MTMR14: variants seen among roughly 807,000 people sequenced by gnomAD.
MTMR14 encodes phosphatidylinositol-3,5-bisphosphate 3-phosphatase MTMR14.
A neutral mutation model predicts 86.3 loss-of-function variants in MTMR14; 48 were observed. The observed-to-expected ratio is 0.56, with a 90% CI of 0.44 to 0.71. The LOEUF (loss-of-function observed/expected upper bound fraction) is 0.71. Ranked by LOEUF, MTMR14 falls within the 30% of genes least tolerant of loss-of-function variation. MTMR14 has a pLI of 0.00. For synonymous variants in MTMR14, 366 were observed against 326.1 expected (o/e 1.12, Z -1.32); for missense variants, 780 against 834.6 (o/e 0.93, Z 0.81).
At position 9,663,940 on chromosome 3, in the gene MTMR14, C is replaced by T. The variant is rs1358300005; in HGVS notation, c.417+1565C>T. ...AGTAGCTGGGATTACAGGAGCATGT[C>T]ACCACACCCAGCTAATTTTTGTATT... On this transcript the variant is annotated intron_variant, in intron 3 of 18. Transcript: ENST00000296003. Among the ~76,000 whole-genome samples the T allele has an allele frequency of 1.5e-4, 23 of 152,086 alleles. No homozygotes were observed. The East Asian group carries it at 4.5e-3, about 29-fold the overall frequency.
In MTMR14 at chr3:9,690,150, A is replaced by C. The variant is rs772490856; in HGVS notation, c.1613+7A>C. 1.2e-6 allele frequency: 2 copies of C among 1,613,476 alleles called. No homozygotes were observed. The highest frequency in any genetic ancestry group is 2.2e-5 in the South Asian group (2 of 90,996). On this transcript the variant is annotated splice_region_variant and intron_variant, in intron 17 of 18. Coordinates refer to ENST00000296003, the MANE Select transcript of MTMR14 (RefSeq NM_001077525.3). ...TGGAGGTCCCCAAACCCAGGTGAGG[A>C]GCTCCAAAGCCCTTGCTGTTGGAAG... is the stretch of plus-strand genomic sequence containing the variant.
intron 9 of MTMR14, 70 bp downstream of exon 9, chr3:9,678,128 C>T (rs2075644229): frequency 2.0e-6 from 3 of 1,485,846 alleles, no homozygotes; most frequent in Non-Finnish European, 2.8e-6. Flanking sequence ...TTGATGCCTG[C>T]CCCACAAGGC....
At position 9,689,074 on chromosome 3, in the gene MTMR14, G is replaced by A; in HGVS notation, c.1425G>A (p.Gln475=). ...TGGTCCCAGCAGGAGCGCCAACTCA[G>A]GCAGCTTGGTAAGGGGCCAGACTTG... ...VELVPAGAPT[Q]AAWRKSHSSS... is the part of the protein sequence containing the mutation. Residue 475 remains glutamine (Q), a synonymous_variant, in exon 16 of 19, where the codon CAG becomes CAA. Coordinates refer to ENST00000296003, the MANE Select transcript of MTMR14 (RefSeq NM_001077525.3). The A allele has an allele frequency of 3.1e-6, 5 of 1,611,520 alleles. No individual in the cohort carries two copies. The highest frequency in any genetic ancestry group is 3.4e-6 in the Non-Finnish European group (4 of 1,180,016).
chr3:9,657,117 A>C (rs926967230), intron 2 of MTMR14, among the ~76,000 whole-genome samples: 21 of 151,734 alleles, frequency 1.4e-4, no homozygotes, highest in African/African-American at 4.4e-4. Flanking sequence ...GTCTCGCTGC[A>C]TTGCCCAGGT....
chr3:9,663,934 G>A (rs566515548), intron 3 of MTMR14, among the ~76,000 whole-genome samples: 32 of 152,076 alleles, frequency 2.1e-4, no homozygotes, highest in African/African-American at 7.5e-4. Context: ...GATTACAGGA[G>A]CATGTCACCA....
chr3:9,696,468 C>T (rs1280118610), intron 17 of MTMR14, among the ~76,000 whole-genome samples: 12 of 152,168 alleles, frequency 7.9e-5, no homozygotes, highest in African/African-American at 2.7e-4. Context: ...GCTGAGATCA[C>T]GCCACTGCAC....
intron 3 of MTMR14, among the ~76,000 whole-genome samples, chr3:9,662,647 G>A (rs73811559): frequency 0.061 from 9,223 of 152,206 alleles, 888 homozygotes; most frequent in African/African-American, 0.2. Flanking sequence ...TGCCTATGCA[G>A]AGCCTCCTTT....
At chr3:9,697,989 C>A in intron 18 of MTMR14, 123 bp downstream of exon 18, 1 of 1,361,338 alleles carries the variant, frequency 7.3e-7, no homozygotes, top group Non-Finnish European at 1.0e-6. Context: ...CCTGCCCTCC[C>A]CTCTCTCAGC....
intron 6 of MTMR14, 99 bp downstream of exon 6, chr3:9,671,269 AC>A: frequency 6.5e-7 from 1 of 1,533,068 alleles, no homozygotes; most frequent in Non-Finnish European, 9.0e-7. Flanking sequence ...TGGCCTTCTT[AC>A]AAAGGGCTTT....
Position 9,684,580 on chromosome 3 carries a change from A to G in MTMR14, c.965-5A>G, listed in dbSNP as rs770084955. The G allele has an allele frequency of 6.2e-7, 1 of 1,613,996 alleles. No individual in the cohort carries two copies. The highest frequency in any genetic ancestry group is 8.5e-7 in the Non-Finnish European group (1 of 1,179,974). ...TGGGCATCCTCTCCTGCGGTTCCTGAGTAGATGACAGCGGGCTGCTGGTAC... is the reference window on the plus strand; with the variant it reads ...TGGGCATCCTCTCCTGCGGTTCCTGGGTAGATGACAGCGGGCTGCTGGTAC... On this transcript the variant is annotated splice_polypyrimidine_tract_variant and splice_region_variant and intron_variant, in intron 10 of 18. Transcript: ENST00000296003.
intron 3 of MTMR14, among the ~76,000 whole-genome samples, chr3:9,666,113 A>G (rs891059824): frequency 6.6e-6 from 1 of 150,560 alleles, no homozygotes; most frequent in Non-Finnish European, 1.5e-5. Flanking sequence ...CGTTTCCCTT[A>G]AAATGCCCAA....
rs771554384 is a variant in MTMR14 at position 9,687,852 on chromosome 3, A to T, written c.1196A>T (p.His399Leu). 6.3e-7 allele frequency: 1 copy of T among 1,586,700 alleles called. No individual in the cohort carries two copies. Among genetic ancestry groups the T allele is most frequent in the South Asian group, 1.1e-5 (1 of 87,814 alleles). ...TTCTTCTGCTTCAATTTTTTGAAGC[A>T]TATTACCTCCGAGGAGTTCTCTGCT... Reference protein sequence around the residue: ...IFFFCFNFLKHITSEEFSALK... With the variant: ...IFFFCFNFLKLITSEEFSALK... Residue 399 changes from histidine to leucine, a missense_variant, in exon 14 of 19, where the codon CAT (histidine) becomes CTT (leucine). By Grantham distance (99) the His-to-Leu change is moderately conservative. Coordinates refer to ENST00000296003, the MANE Select transcript of MTMR14 (RefSeq NM_001077525.3).
rs754260923 is a variant in MTMR14, at chr3:9,690,040, C to T, written c.1510C>T (p.Gln504Ter). The T allele has an allele frequency of 5.6e-6, 9 of 1,612,956 alleles. No homozygotes were observed. Among genetic ancestry groups the T allele is most frequent in the Non-Finnish European group, 7.6e-6 (9 of 1,179,982 alleles). Residue 504 changes from glutamine (Q) to a stop codon, truncating the protein, a stop_gained, in exon 17 of 19, where the codon CAG becomes TAG. Transcript: ENST00000296003. LOFTEE classifies it high-confidence loss of function. ...PQPSEDRLPS[Q>*]QGLAEARSSS... ...ACCCTCAGAGGACCGCTTGCCTTCCCAGCAGGGGCTGGCGGAAGCCAGGTC... is the reference window on the plus strand; with the variant it reads ...ACCCTCAGAGGACCGCTTGCCTTCCTAGCAGGGGCTGGCGGAAGCCAGGTC...
At chr3:9,681,085 G>A (rs915814471) in intron 9 of MTMR14, among the ~76,000 whole-genome samples, 1 of 152,138 alleles carries the variant, frequency 6.6e-6, no homozygotes, top group Non-Finnish European at 1.5e-5. Flanking sequence ...TCCCTCTCCC[G>A]TGACTCCATG....
chr3:9,664,068 C>T (rs536133542), intron 3 of MTMR14, among the ~76,000 whole-genome samples: 11 of 151,942 alleles, frequency 7.2e-5, no homozygotes, highest in African/African-American at 2.4e-4. Flanking sequence ...GGACTACAGG[C>T]GTGAGCCACC....
At position 9,677,010 on chromosome 3, in the gene MTMR14, G is replaced by A. The variant is rs1311556844; in HGVS notation, c.752-307G>A. Reference sequence around the variant, plus strand: ...CACTACAGAGACCTGTAGGACAAAGGGACTTGCAATGTGGGGGAAGTGACT... The same window carrying A: ...CACTACAGAGACCTGTAGGACAAAGAGACTTGCAATGTGGGGGAAGTGACT... On this transcript the variant is annotated intron_variant, in intron 7 of 18. Transcript: ENST00000296003. The surrounding 1 kb of genome is among the most constrained non-coding windows in gnomAD (Gnocchi z 4.2). 6.6e-6 allele frequency among the ~76,000 whole-genome samples: 1 copy of A among 152,220 alleles called. No homozygotes were observed. Among genetic ancestry groups the A allele is most frequent in the Non-Finnish European group, 1.5e-5 (1 of 68,044 alleles).
intron 17 of MTMR14, among the ~76,000 whole-genome samples, chr3:9,696,882 A>G (rs2076296516): frequency 6.6e-6 from 1 of 152,158 alleles, no homozygotes; most frequent in Non-Finnish European, 1.5e-5. Flanking sequence ...AGCAGGTGGA[A>G]GGGCCTTGTT....
rs1559589549 is a variant in MTMR14, at chr3:9,677,094, C to T, written c.752-223C>T. ...AAGAGGCTGAGAGCAGGCAGTGCCT[C>T]GTGGAAAAGGCATGCAGCCAGGAAA... On this transcript the variant is annotated intron_variant, in intron 7 of 18. Transcript: ENST00000296003. The surrounding 1 kb of genome is among the most constrained non-coding windows in gnomAD (Gnocchi z 4.2). Among the ~76,000 whole-genome samples, 1 of 152,208 alleles carries T rather than the reference C, an allele frequency of 6.6e-6. No homozygotes were observed. The highest frequency in any genetic ancestry group is 1.5e-5 in the Non-Finnish European group (1 of 68,042).
intron 10 of MTMR14, 55 bp from the exon 11 acceptor site, chr3:9,684,530 C>A: frequency 6.4e-7 from 1 of 1,565,202 alleles, no homozygotes; most frequent in South Asian, 1.1e-5. Context: ...ACTTCCTGCT[C>A]ATCGGCCCAT....
Sources: allele counts gnomAD v4.1 joint callset (sites outside exome capture counted in the v4.1 genomes callset), GRCh38; gene constraint gnomAD v4.1.1; non-coding constraint Gnocchi (gnomAD v3.1); transcripts MANE v1.5; gene names NCBI Gene and HGNC (gene_info 2026-07-23, HGNC 2026-07-21).